The following NKAIN2 variants were observed in gnomAD, a reference collection of about 807,000 sequenced individuals.
NKAIN2 encodes sodium/potassium transporting ATPase interacting 2, also known as sodium/potassium-transporting ATPase subunit beta-1-interacting protein 2.
Under a neutral mutation model 32.6 loss-of-function variants are expected in NKAIN2, and 14 were observed. That is an observed-to-expected ratio of 0.43 (90% CI 0.28 to 0.67). The LOEUF (loss-of-function observed/expected upper bound fraction) is 0.67, where lower values mean the gene tolerates loss of function less well. NKAIN2 is among the 30% of genes least tolerant of loss of function. The pLI is 0.17. For synonymous variants in NKAIN2, 80 were observed against 87.2 expected, an observed-to-expected ratio of 0.92 and a Z score of 0.46; for missense variants, 198 against 258.3, an observed-to-expected ratio of 0.77 and a Z score of 1.60.
At chr6:124,569,679 T>C (rs990633968) in intron 3 of NKAIN2, among the ~76,000 whole-genome samples, 31 of 152,210 alleles carry the variant, frequency 2.0e-4, no homozygotes, top group African/African-American at 7.5e-4. Context: ...GCCATGATTC[T>C]GAGACCTCCC....
intron 1 of NKAIN2, among the ~76,000 whole-genome samples, chr6:124,214,132 A>G (rs892206815): frequency 6.6e-6 from 1 of 152,184 alleles, no homozygotes; most frequent in Non-Finnish European, 1.5e-5. Flanking sequence ...GTATTTGCCA[A>G]TTCACATATT....
intron 1 of NKAIN2, among the ~76,000 whole-genome samples, chr6:124,099,949 C>T (rs905207247): frequency 1.3e-5 from 2 of 152,170 alleles, no homozygotes; most frequent in African/African-American, 4.8e-5. Context: ...ATTTAAAGAT[C>T]GGTTGCTACC....
intron 1 of NKAIN2, among the ~76,000 whole-genome samples, chr6:123,959,201 C>T (rs914439830): frequency 6.6e-6 from 1 of 152,148 alleles, no homozygotes; most frequent in African/African-American, 2.4e-5. Context: ...CCCTTTGGAA[C>T]CATTTAATCC....
chr6:124,814,922 T>C (rs951565994), intron 5 of NKAIN2, among the ~76,000 whole-genome samples: 2 of 151,888 alleles, frequency 1.3e-5, no homozygotes, highest in Non-Finnish European at 2.9e-5. Flanking sequence ...TCAATAATAA[T>C]AACAACAGCA....
chr6:124,324,133 T>C (rs1432804520), intron 2 of NKAIN2, among the ~76,000 whole-genome samples: 1 of 152,182 alleles, frequency 6.6e-6, no homozygotes, highest in African/African-American at 2.4e-5. Context: ...ATTTTATCTA[T>C]ATTTGTAAAC....
chr6:123,920,209 A>G (rs1191860538), intron 1 of NKAIN2, among the ~76,000 whole-genome samples: 1 of 152,146 alleles, frequency 6.6e-6, no homozygotes, highest in East Asian at 1.9e-4. Context: ...AAGTGGTTTT[A>G]AAAGAAGTAC....
chr6:124,615,009 T>A (rs1370044679), intron 3 of NKAIN2, among the ~76,000 whole-genome samples: 2 of 152,256 alleles, frequency 1.3e-5, no homozygotes, highest in South Asian at 2.1e-4. Context: ...CTTCAATTGA[T>A]TGAATTGATT....
chr6:124,136,842 G>A (rs568227187), intron 1 of NKAIN2, among the ~76,000 whole-genome samples: 1 of 152,096 alleles, frequency 6.6e-6, no homozygotes, highest in South Asian at 2.1e-4. Context: ...AATTGGCATA[G>A]AAGGGACAGG....
intron 1 of NKAIN2, among the ~76,000 whole-genome samples, chr6:124,282,666 A>T (rs1273866279): frequency 6.6e-6 from 1 of 152,200 alleles, no homozygotes; most frequent in Non-Finnish European, 1.5e-5. Flanking sequence ...CTTTATGTGG[A>T]CTTCCCTGAC....
chr6:124,794,517 T>C (rs1352667955), intron 5 of NKAIN2, among the ~76,000 whole-genome samples: 4 of 152,226 alleles, frequency 2.6e-5, no homozygotes, highest in Non-Finnish European at 5.9e-5. Context: ...ACACCACATC[T>C]GCCTTTATTA....
chr6:124,575,616 G>A (rs965054801), intron 3 of NKAIN2, among the ~76,000 whole-genome samples: 1 of 152,176 alleles, frequency 6.6e-6, no homozygotes, highest in African/African-American at 2.4e-5. Context: ...GGCATTTTCA[G>A]TCTTGTGCCA....
chr6:124,080,858 T>G (rs1258934232), intron 1 of NKAIN2, among the ~76,000 whole-genome samples: 1 of 152,162 alleles, frequency 6.6e-6, no homozygotes, highest in African/African-American at 2.4e-5. Flanking sequence ...TTCTAACACT[T>G]TATCTAATAC....
intron 1 of NKAIN2, among the ~76,000 whole-genome samples, chr6:124,051,135 C>A (rs1450928460): frequency 6.6e-6 from 1 of 151,978 alleles, no homozygotes; most frequent in Non-Finnish European, 1.5e-5. Flanking sequence ...TTTGTACTTG[C>A]ATTTGAACAG....
chr6:124,519,795 G>A (rs1045088099), intron 3 of NKAIN2, among the ~76,000 whole-genome samples: 1 of 152,066 alleles, frequency 6.6e-6, no homozygotes, highest in African/African-American at 2.4e-5. Flanking sequence ...TAAAAAACAT[G>A]TAAGAACAGA....
At chr6:124,513,122 G>A (rs531123004) in intron 3 of NKAIN2, among the ~76,000 whole-genome samples, 4 of 152,038 alleles carry the variant, frequency 2.6e-5, no homozygotes, top group African/African-American at 9.6e-5. Flanking sequence ...GAGGCCACAC[G>A]GACTCCTTTT....
At chr6:124,654,790 A>T (rs1449886185) in intron 3 of NKAIN2, among the ~76,000 whole-genome samples, 1 of 152,200 alleles carries the variant, frequency 6.6e-6, no homozygotes, top group Non-Finnish European at 1.5e-5. Flanking sequence ...TGGTTCTACA[A>T]GCCACAGAAT....
intron 4 of NKAIN2, among the ~76,000 whole-genome samples, chr6:124,768,424 A>T (rs978955674): frequency 6.6e-6 from 1 of 152,180 alleles, no homozygotes; most frequent in Non-Finnish European, 1.5e-5. Flanking sequence ...ACAGCAAAAC[A>T]TCAATCTAAT....
intron 3 of NKAIN2, among the ~76,000 whole-genome samples, chr6:124,550,305 G>A (rs1780241579): frequency 6.6e-6 from 1 of 151,740 alleles, no homozygotes; most frequent in South Asian, 2.1e-4. Context: ...TTGGCTATTG[G>A]GAGCTCTTTC....
At chr6:124,701,153 G>GCACACACACACACACACACACA (rs60670238) in intron 4 of NKAIN2, among the ~76,000 whole-genome samples, 1 of 132,030 alleles carries the variant, frequency 7.6e-6, no homozygotes, top group African/African-American at 2.7e-5. Flanking sequence ...ACACACACAC[G>GCACACACACACACACACACACA]CACACACACA....
Sources: gnomAD v4.1 joint callset for allele counts (sites outside exome capture counted in the v4.1 genomes callset) on GRCh38, gnomAD v4.1.1 for gene constraint, MANE v1.5 for transcripts, NCBI Gene and HGNC (gene_info 2026-07-23, HGNC 2026-07-21) for gene names.